Variants in ENPP4 observed in about 807,000 individuals in gnomAD.
ENPP4 encodes bis(5'-adenosyl)-triphosphatase ENPP4.
In ENPP4, 18 loss-of-function variants were observed where a neutral mutation model predicts 33.4. That is an observed-to-expected ratio of 0.54 (90% CI 0.37 to 0.80). The LOEUF (loss-of-function observed/expected upper bound fraction) is 0.80, where lower values mean the gene tolerates loss of function less well. Ranked by LOEUF, ENPP4 falls within the 30% of genes least tolerant of loss-of-function variation. ENPP4 has a pLI of 0.00. For synonymous variants in ENPP4, 172 were observed against 189.9 expected (o/e 0.91, Z 0.78); for missense variants, 480 against 541.7 (o/e 0.89, Z 1.13).
Position 46,139,740 on chromosome 6 carries a change from A to G in ENPP4, c.157A>G (p.Ile53Val), listed in dbSNP as rs200259537. 1 of 1,612,036 alleles carries G rather than the reference A, an allele frequency of 6.2e-7. No homozygotes were observed. Among genetic ancestry groups the G allele is most frequent in the East Asian group, 2.2e-5 (1 of 44,850 alleles). Reference sequence around the variant, plus strand: ...TGAATTTCCTCATCTCCAGAATTTTATCAAAGAAGGTGTTTTGGTAGAGCA... The same window carrying G: ...TGAATTTCCTCATCTCCAGAATTTTGTCAAAGAAGGTGTTTTGGTAGAGCA... ...NYEFPHLQNF[I>V]KEGVLVEHVK... Residue 53 changes from isoleucine (I) to valine (V), a missense_variant, in exon 2 of 4, where the codon ATC becomes GTC. Ile to Val is a conservative substitution (Grantham distance 29). This residue lies in a region of ENPP4 where 227 missense variants were observed against 273.7 expected (regional missense o/e 0.83). Transcript: ENST00000321037.
chr6:46,131,771 C>G (rs1436650931), intron 1 of ENPP4, among the ~76,000 whole-genome samples: 1 of 151,906 alleles, frequency 6.6e-6, no homozygotes, highest in East Asian at 1.9e-4. Context: ...TACAGTCCCA[C>G]CAACAGTGTA....
chr6:46,131,069 G>A (rs559677966), intron 1 of ENPP4, among the ~76,000 whole-genome samples: 88 of 152,238 alleles, frequency 5.8e-4, no homozygotes, highest in Non-Finnish European at 9.4e-4. Flanking sequence ...GCACTTGTGC[G>A]TCTTCCCCCC....
In ENPP4 at chr6:46,139,814, T is replaced by G; in HGVS notation, c.231T>G (p.Ile77Met). ...ITKTFPNHYSIVTGLYEESHG... is the reference protein window; with the variant it reads ...ITKTFPNHYSMVTGLYEESHG... ...AAACATTTCCAAACCACTACAGTATTGTGACAGGCTTGTATGAAGAAAGCC... is the reference window on the plus strand; with the variant it reads ...AAACATTTCCAAACCACTACAGTATGGTGACAGGCTTGTATGAAGAAAGCC... The change falls in exon 2 of 4, where the codon ATT becomes ATG. Residue 77 changes from isoleucine to methionine, a missense_variant. Ile to Met is a conservative substitution (Grantham distance 10). This residue lies in a region of ENPP4 where 227 missense variants were observed against 273.7 expected (regional missense o/e 0.83). Transcript: ENST00000321037. 1 of 1,612,506 alleles carries G rather than the reference T, an allele frequency of 6.2e-7. No individual in the cohort carries two copies. The highest frequency in any genetic ancestry group is 1.7e-5 in the Admixed American group (1 of 59,820).
chr6:46,135,459 GTCT>G (rs1273069525), intron 1 of ENPP4, among the ~76,000 whole-genome samples: 2 of 151,912 alleles, frequency 1.3e-5, no homozygotes, highest in African/African-American at 2.4e-5. Flanking sequence ...TGTCATTTGT[GTCT>G]TCTTTGGAGA....
Position 46,140,923 on chromosome 6 carries a change from C to T in ENPP4, c.827-129C>T, listed in dbSNP as rs115416660. 4.4e-3 allele frequency: 2,608 copies of T among 596,112 alleles called. 42 individuals are homozygous for T. The highest frequency in any genetic ancestry group is 0.041 in the African/African-American group (2,185 of 52,926). The allele number at this position is 596,112 out of a possible 1,614,324, so 36.9% of individuals were successfully genotyped here. On this transcript the variant is annotated intron_variant, in intron 2 of 3. Coordinates refer to ENST00000321037, the MANE Select transcript of ENPP4 (RefSeq NM_014936.5). ...CCCCAACACTCTCACATTATTATTG[C>T]TCTGTTTTTTTAAGAAGTGATTTAA...
At chr6:46,133,788 G>A (rs969833674) in intron 1 of ENPP4, among the ~76,000 whole-genome samples, 1 of 152,002 alleles carries the variant, frequency 6.6e-6, no homozygotes, top group Non-Finnish European at 1.5e-5. Flanking sequence ...CTCATTGTTG[G>A]TTTGTCTGTA....
Position 46,143,716 on chromosome 6 carries a change from C to T in ENPP4, c.*76C>T. The T allele has an allele frequency of 7.4e-7, 1 of 1,357,490 alleles. No individual in the cohort carries two copies. The highest frequency in any genetic ancestry group is 2.3e-5 in the East Asian group (1 of 43,062). 84.1% of individuals were successfully genotyped at this position (1,357,490 alleles called of 1,614,324 possible). The stretch of plus-strand genomic sequence containing the variant: ...ATACATCCAAAGAATAGTGTTGTAA[C>T]TATGAAAAAGAATACTTTGAAAGAC... On this transcript the variant is annotated 3_prime_UTR_variant, in exon 4 of 4. Coordinates refer to ENST00000321037, the MANE Select transcript of ENPP4 (RefSeq NM_014936.5).
intron 2 of ENPP4, 95 bp downstream of exon 2, chr6:46,140,504 G>T: frequency 1.3e-6 from 1 of 755,374 alleles, no homozygotes; most frequent in Non-Finnish European, 2.1e-6. Flanking sequence ...CTAGCTTTTT[G>T]TAGTTTAGAA....
In ENPP4 at chr6:46,139,589, G is replaced by A; in HGVS notation, c.6G>A (p.Lys2=). 6.6e-7 allele frequency: 1 copy of A among 1,525,608 alleles called. No individual in the cohort carries two copies. The highest frequency in any genetic ancestry group is 9.1e-7 in the Non-Finnish European group (1 of 1,101,638). The allele number at this position is 1,525,608 out of a possible 1,614,324, so 94.5% of individuals were successfully genotyped here. M[K]LLVILLFSGL... ...TGTCCTTCAACGTGTTCATTATGAA[G>A]TTATTAGTAATACTTTTGTTTTCTG... is the stretch of plus-strand genomic sequence containing the variant. The change falls in exon 2 of 4, where the codon AAG becomes AAA. Residue 2 remains lysine, a synonymous_variant. Coordinates refer to ENST00000321037, the MANE Select transcript of ENPP4 (RefSeq NM_014936.5).
chr6:46,133,891 A>T (rs1763938575), intron 1 of ENPP4, among the ~76,000 whole-genome samples: 1 of 152,156 alleles, frequency 6.6e-6, no homozygotes, highest in South Asian at 2.1e-4. Flanking sequence ...AGTTCTGTTA[A>T]TAGTTTGGAG....
In ENPP4 at chr6:46,143,523, C is replaced by A; in HGVS notation, c.1245C>A (p.Leu415=). 1 of 1,612,830 alleles carries A rather than the reference C, an allele frequency of 6.2e-7. No homozygotes were observed. Among genetic ancestry groups the A allele is most frequent in the Non-Finnish European group, 8.5e-7 (1 of 1,179,076 alleles). ...CCATCGCGATTGTTATCGGTTCACT[C>A]TTGGTGTTAACCATGCTAACATGCC... ...PEAIAIVIGS[L]LVLTMLTCLI... Residue 415 remains leucine (L), a synonymous_variant, in exon 4 of 4, where the codon CTC becomes CTA. Transcript: ENST00000321037.
rs1763866790 is a variant in ENPP4 at position 46,130,089 on chromosome 6, C to CCCCTCTTCCTCCAGGT, written c.-130_-115dup. Reference sequence around the variant, plus strand: ...GCGCCTCAGGAAGAGCTCGGCATCGCCCCTCTTCCTCCAGGTCCCCCTTCC... The same window carrying CCCCTCTTCCTCCAGGT: ...GCGCCTCAGGAAGAGCTCGGCATCGCCCCTCTTCCTCCAGGTCCCTCTTCCTCCAGGTCCCCCTTCC... On this transcript the variant is annotated 5_prime_UTR_variant, in exon 1 of 4. Coordinates refer to ENST00000321037, the MANE Select transcript of ENPP4 (RefSeq NM_014936.5). 6.6e-6 allele frequency: 1 copy of CCCCTCTTCCTCCAGGT among 152,146 alleles called. No homozygotes were observed. The highest frequency in any genetic ancestry group is 1.5e-5 in the Non-Finnish European group (1 of 68,074). The allele number at this position is 152,146 out of a possible 1,614,324, so 9.4% of individuals were successfully genotyped here.
In ENPP4 at chr6:46,144,892, C is replaced by T. The variant is rs1764121863; in HGVS notation, c.*1252C>T. The T allele has an allele frequency of 5.1e-6, 2 of 395,824 alleles. No individual in the cohort carries two copies. The highest frequency in any genetic ancestry group is 1.3e-4 in the South Asian group (1 of 7,850). The allele number at this position is 395,824 out of a possible 1,614,324, so 24.5% of individuals were successfully genotyped here. A position where few individuals can be genotyped will look rare whatever the true frequency, so the allele number is the denominator to read the frequency against. The stretch of plus-strand genomic sequence containing the variant: ...AGTATTTGCATCACAGAAATAATCC[C>T]TCTGTTTAACATGTTTGTTCAGAGC... On this transcript the variant is annotated 3_prime_UTR_variant, in exon 4 of 4. Transcript: ENST00000321037.
chr6:46,137,782 G>A (rs144403695), intron 1 of ENPP4, among the ~76,000 whole-genome samples: 64 of 151,912 alleles, frequency 4.2e-4, no homozygotes, highest in Non-Finnish European at 7.4e-4. Context: ...ACCTGTCTCC[G>A]ATTAAAATAG....
chr6:46,136,451 A>G (rs1161403170), intron 1 of ENPP4, among the ~76,000 whole-genome samples: 3 of 152,014 alleles, frequency 2.0e-5, no homozygotes, highest in South Asian at 4.1e-4. Context: ...AAGAGCTATT[A>G]TAGGCCACCA....
rs1033874445 is a variant in ENPP4, at chr6:46,146,311, C to T, written c.*2671C>T. 1 of 152,188 alleles carries T rather than the reference C, an allele frequency of 6.6e-6. No homozygotes were observed. The highest frequency in any genetic ancestry group is 1.5e-5 in the Non-Finnish European group (1 of 67,816). The allele number at this position is 152,188 out of a possible 1,614,324, so 9.4% of individuals were successfully genotyped here. A position where few individuals can be genotyped will look rare whatever the true frequency, so the allele number is the denominator to read the frequency against. ...TGGCATAAGAATTTATAGATAAATT[C>T]TTGTAACATTAAAGGATTAAAATGT... On this transcript the variant is annotated 3_prime_UTR_variant, in exon 4 of 4. Coordinates refer to ENST00000321037, the MANE Select transcript of ENPP4 (RefSeq NM_014936.5).
chr6:46,135,130 C>T (rs1370285028), intron 1 of ENPP4, among the ~76,000 whole-genome samples: 2 of 151,978 alleles, frequency 1.3e-5, no homozygotes, highest in Admixed American at 1.3e-4. Flanking sequence ...ACAAATAATG[C>T]TGCTGTGAAC....
intron 1 of ENPP4, among the ~76,000 whole-genome samples, chr6:46,135,948 A>G: frequency 6.6e-6 from 1 of 151,958 alleles, no homozygotes. Context: ...TTAGAGGTAA[A>G]TCTACTGGAA....
intron 1 of ENPP4, among the ~76,000 whole-genome samples, chr6:46,138,262 A>G (rs1458758042): frequency 1.3e-5 from 2 of 151,744 alleles, no homozygotes; most frequent in East Asian, 1.9e-4. Flanking sequence ...TGCAGCCCCA[A>G]TTTCAGCTGC....
Sources: allele counts gnomAD v4.1 joint callset (sites outside exome capture counted in the v4.1 genomes callset), GRCh38; gene constraint gnomAD v4.1.1; regional missense constraint gnomAD v4.1.1; transcripts MANE v1.5; gene names NCBI Gene and HGNC (gene_info 2026-07-23, HGNC 2026-07-21).